Variants in DLG2 observed in about 807,000 individuals in gnomAD.
DLG2 encodes the protein disks large homolog 2.
A neutral mutation model predicts 132.5 loss-of-function variants in DLG2; 45 were observed. That is an observed-to-expected ratio of 0.34 (90% confidence interval 0.27 to 0.44). The LOEUF is 0.44. Among genes scored for constraint, DLG2 ranks in the 20% least tolerant of loss-of-function variants. The pLI, the probability that DLG2 is intolerant of heterozygous loss-of-function variation, is 1.00. For synonymous variants in DLG2, 424 were observed against 419.6 expected, an observed-to-expected ratio of 1.01 and a Z score of -0.13; for missense variants, 1,045 against 1,196.9, an observed-to-expected ratio of 0.87 and a Z score of 1.87.
intron 3 of DLG2, among the ~76,000 whole-genome samples, chr11:85,433,690 G>C (rs983310465): frequency 6.6e-6 from 1 of 152,194 alleles, no homozygotes; most frequent in African/African-American, 2.4e-5. Context: ...GACCTACAAA[G>C]AGACTTAGAC....
intron 6 of DLG2, among the ~76,000 whole-genome samples, chr11:84,618,688 G>A (rs536040042): frequency 1.1e-4 from 16 of 152,078 alleles, no homozygotes; most frequent in African/African-American, 3.9e-4. Context: ...ATCTTCTCTG[G>A]AAGAAAACGT....
intron 15 of DLG2, among the ~76,000 whole-genome samples, chr11:83,904,387 G>GA (rs10548040): frequency 6.6e-6 from 1 of 150,864 alleles, no homozygotes; most frequent in Non-Finnish European, 1.5e-5. Context: ...GTGACAATTT[G>GA]AAAAAAAAAG....
intron 3 of DLG2, among the ~76,000 whole-genome samples, chr11:85,509,031 T>C (rs2093998102): frequency 6.6e-6 from 1 of 151,946 alleles, no homozygotes; most frequent in Non-Finnish European, 1.5e-5. Context: ...ATCACAAGAG[T>C]GAATATGGGT....
chr11:84,166,905 C>T (rs1000344401), intron 8 of DLG2: 24 of 532,560 alleles, frequency 4.5e-5, no homozygotes, highest in Non-Finnish European at 7.7e-5. Context: ...AGAGTTCGGC[C>T]GAATACATTT....
intron 5 of DLG2, among the ~76,000 whole-genome samples, chr11:85,135,349 A>T (rs1043312206): frequency 7.2e-5 from 11 of 152,244 alleles, no homozygotes; most frequent in African/African-American, 2.7e-4. Flanking sequence ...TTTGTTAGTC[A>T]TAGAGACAGT....
In DLG2 at chr11:83,723,737, T is replaced by A. The variant is rs370032472; in HGVS notation, c.1825+62953A>T. Among the ~76,000 whole-genome samples, 19 of 152,124 alleles carry A rather than the reference T, an allele frequency of 1.2e-4. No homozygotes were observed. In the East Asian group the frequency reaches 2.9e-3, roughly 23 times the overall value. On this transcript the variant is annotated intron_variant, in intron 18 of 27. Coordinates refer to ENST00000376104, the MANE Select transcript of DLG2 (RefSeq NM_001142699.3). ...CAGGCATGGTGGCACATGGCTGTAGTCTCAGCTACTCAGGAGGCTGAGGTG... is the reference window on the plus strand; with the variant it reads ...CAGGCATGGTGGCACATGGCTGTAGACTCAGCTACTCAGGAGGCTGAGGTG...
intron 18 of DLG2, among the ~76,000 whole-genome samples, chr11:83,779,375 T>C (rs2094714421): frequency 6.6e-6 from 1 of 152,224 alleles, no homozygotes; most frequent in Admixed American, 6.5e-5. Context: ...AATAATGCTG[T>C]CATGTATACA....
intron 8 of DLG2, among the ~76,000 whole-genome samples, chr11:84,241,485 G>A (rs1479682142): frequency 6.6e-6 from 1 of 152,052 alleles, no homozygotes; most frequent in Non-Finnish European, 1.5e-5. Flanking sequence ...GCAGAGATAA[G>A]CAAGGCGTGT....
intron 6 of DLG2, among the ~76,000 whole-genome samples, chr11:84,549,911 G>A (rs906652859): frequency 2.0e-5 from 3 of 151,708 alleles, no homozygotes; most frequent in African/African-American, 7.3e-5. Flanking sequence ...GCACCACCAC[G>A]CCTGGATAAT....
At chr11:85,562,246 A>G (rs888422904) in intron 3 of DLG2, among the ~76,000 whole-genome samples, 36 of 151,800 alleles carry the variant, frequency 2.4e-4, no homozygotes, top group African/African-American at 8.7e-4. Flanking sequence ...GGCAACTTTT[A>G]TATTACTTAG....
At chr11:85,536,672 C>T (rs974242066) in intron 3 of DLG2, among the ~76,000 whole-genome samples, 1 of 152,198 alleles carries the variant, frequency 6.6e-6, no homozygotes, top group African/African-American at 2.4e-5. Context: ...CAGGCCAGTG[C>T]GGGTTCCAGG....
At chr11:84,455,566 A>T (rs1023653385) in intron 7 of DLG2, among the ~76,000 whole-genome samples, 1 of 151,280 alleles carries the variant, frequency 6.6e-6, no homozygotes, top group African/African-American at 2.4e-5. Context: ...TCTTTGCCCA[A>T]ATGCATTTTT....
At chr11:84,975,536 T>C (rs1025913493) in intron 6 of DLG2, among the ~76,000 whole-genome samples, 1 of 152,178 alleles carries the variant, frequency 6.6e-6, no homozygotes, top group Non-Finnish European at 1.5e-5. Context: ...TTAGAAATAT[T>C]CAAGGAGAAT....
chr11:84,637,215 C>A (rs2099642152), intron 6 of DLG2, among the ~76,000 whole-genome samples: 1 of 152,102 alleles, frequency 6.6e-6, no homozygotes, highest in African/African-American at 2.4e-5. Context: ...GATAAGGCCA[C>A]CTCGAGAAGT....
intron 18 of DLG2, among the ~76,000 whole-genome samples, chr11:83,774,613 T>A (rs1373149992): frequency 6.6e-6 from 1 of 152,098 alleles, no homozygotes; most frequent in Admixed American, 6.5e-5. Context: ...AGTAAGGAAA[T>A]TCTTAACTAC....
chr11:85,111,488 T>A (rs965723474), intron 6 of DLG2, among the ~76,000 whole-genome samples, 173 bp downstream of exon 6: 1 of 152,114 alleles, frequency 6.6e-6, no homozygotes, highest in African/African-American at 2.4e-5. Context: ...GAATCCCTAA[T>A]CACTGATATT....
At chr11:84,070,218 T>A (rs2096736082) in intron 10 of DLG2, among the ~76,000 whole-genome samples, 1 of 152,258 alleles carries the variant, frequency 6.6e-6, no homozygotes, top group Non-Finnish European at 1.5e-5. Flanking sequence ...AGCATCATTG[T>A]ATGACTTCTA....
chr11:85,431,604 C>CCAA (rs1158971619), intron 3 of DLG2, among the ~76,000 whole-genome samples: 1 of 152,232 alleles, frequency 6.6e-6, no homozygotes, highest in Non-Finnish European at 1.5e-5. Context: ...GGGGTGGCAG[C>CCAA]CAACACTGCA....
At chr11:85,409,617 C>A (rs1190157799) in intron 3 of DLG2, among the ~76,000 whole-genome samples, 2 of 151,728 alleles carry the variant, frequency 1.3e-5, no homozygotes, top group Admixed American at 1.3e-4. Flanking sequence ...ATTAAAGAAT[C>A]TTGAACTCAC....
Sources: gnomAD v4.1 joint callset for allele counts (sites outside exome capture counted in the v4.1 genomes callset) on GRCh38, gnomAD v4.1.1 for gene constraint, MANE v1.5 for transcripts, NCBI Gene and HGNC (gene_info 2026-07-23, HGNC 2026-07-21) for gene names.